CCDC171: variants seen among roughly 807,000 people sequenced by gnomAD.
The protein encoded by CCDC171 is coiled-coil domain-containing protein 171.
Under a neutral mutation model 168.2 loss-of-function variants are expected in CCDC171, and 177 were observed. That is an observed-to-expected ratio of 1.05 (90% CI 0.93 to 1.19). The LOEUF (loss-of-function observed/expected upper bound fraction) is 1.19. Among genes scored for constraint, CCDC171 ranks in the 50% most tolerant of loss-of-function variants. The pLI is 0.00. For synonymous variants in CCDC171, 687 were observed against 540.8 expected, an observed-to-expected ratio of 1.27 and a Z score of -3.75; for missense variants, 1,991 against 1,539.0, an observed-to-expected ratio of 1.29 and a Z score of -4.91.
At chr9:15,915,359 C>A (rs1296118779) in intron 24 of CCDC171, among the ~76,000 whole-genome samples, 2 of 74,510 alleles carry the variant, frequency 2.7e-5, no homozygotes, top group African/African-American at 6.5e-5. Flanking sequence ...AAATATATTC[C>A]TAGTGTTTTT....
At chr9:15,767,659 A>G (rs1344092898) in intron 18 of CCDC171, among the ~76,000 whole-genome samples, 1 of 151,500 alleles carries the variant, frequency 6.6e-6, no homozygotes, top group African/African-American at 2.4e-5. Flanking sequence ...ACAGTTAAAG[A>G]CCACTGTCCT....
At chr9:15,564,484 T>C (rs191714600) in intron 2 of CCDC171, among the ~76,000 whole-genome samples, 7 of 152,392 alleles carry the variant, frequency 4.6e-5, no homozygotes, top group Admixed American at 2.0e-4. Context: ...TTAATTCCTC[T>C]TTCTTCATTG....
intron 23 of CCDC171, among the ~76,000 whole-genome samples, chr9:15,857,317 A>G (rs1274483680): frequency 6.6e-6 from 1 of 151,926 alleles, no homozygotes; most frequent in Non-Finnish European, 1.5e-5. Context: ...TAATGTCATG[A>G]AGTTTCTCCT....
intron 25 of CCDC171, among the ~76,000 whole-genome samples, chr9:15,927,278 T>A (rs1271613737): frequency 2.6e-5 from 4 of 151,634 alleles, no homozygotes; most frequent in Admixed American, 2.6e-4. Context: ...CTCCAGAGCT[T>A]TTATCTTGAG....
At chr9:15,769,718 G>A (rs767941566) in intron 18 of CCDC171, among the ~76,000 whole-genome samples, 12 of 152,250 alleles carry the variant, frequency 7.9e-5, no homozygotes, top group Admixed American at 1.3e-4. Context: ...CAGTGCAGCC[G>A]GCCAAGTGAA....
chr9:15,642,541 C>T (rs1021306250), intron 7 of CCDC171, among the ~76,000 whole-genome samples: 1 of 151,194 alleles, frequency 6.6e-6, no homozygotes, highest in Non-Finnish European at 1.5e-5. Context: ...CCTCTAGCAC[C>T]CTCTGCTGGA....
At chr9:16,086,466 C>A in the CCDC171 span, among the ~76,000 whole-genome samples, 4 of 151,968 alleles carry the variant, frequency 2.6e-5, no homozygotes, top group Non-Finnish European at 4.4e-5. Context: ...CACCACCACA[C>A]CTGGCTAATT....
rs1237515375 is a variant in CCDC171 at position 16,025,385 on chromosome 9, T to G, written n.998+2477T>G. 3.9e-5 allele frequency among the ~76,000 whole-genome samples: 6 copies of G among 152,062 alleles called. No homozygotes were observed. In the East Asian group the frequency reaches 1.2e-3, roughly 29 times the overall value. ...TGAAACCAGTAGGGATCCCAGGAGG[T>G]AGAGCTTGCAGTGAGCTGAGATTGC... On this transcript the variant is annotated intron_variant and non_coding_transcript_variant, in intron 6 of 9. Transcript: ENST00000486641.
chr9:15,583,747 G>A (rs2041328258), intron 4 of CCDC171, among the ~76,000 whole-genome samples: 2 of 151,726 alleles, frequency 1.3e-5, no homozygotes, highest in African/African-American at 4.8e-5. Context: ...GCCTGCAACC[G>A]AACACCATCT....
At chr9:16,066,136 A>G (rs1172874842), downstream of CCDC171, among the ~76,000 whole-genome samples, 5 of 152,176 alleles carry the variant, frequency 3.3e-5, no homozygotes, top group Admixed American at 6.5e-5. Flanking sequence ...TACTTCCTTG[A>G]TGACAAGATT....
chr9:15,976,693 T>G (rs914860910), downstream of CCDC171, among the ~76,000 whole-genome samples: 2 of 151,502 alleles, frequency 1.3e-5, no homozygotes, highest in Non-Finnish European at 1.5e-5. Flanking sequence ...TAAATATATT[T>G]AAAAGAAAAT....
chr9:15,710,297 G>C (rs554938433), intron 11 of CCDC171, among the ~76,000 whole-genome samples: 1 of 149,860 alleles, frequency 6.7e-6, no homozygotes, highest in Non-Finnish European at 1.5e-5. Context: ...CTCCTCTTCT[G>C]TCTCTCTCTC....
intron 4 of CCDC171, among the ~76,000 whole-genome samples, chr9:15,589,470 C>G (rs1344983916): frequency 6.6e-6 from 1 of 152,214 alleles, no homozygotes; most frequent in Non-Finnish European, 1.5e-5. Flanking sequence ...AAGTCAGAGT[C>G]TGCTTGTGAA....
chr9:15,968,650 G>C (rs556927791), intron 25 of CCDC171, among the ~76,000 whole-genome samples: 1 of 149,242 alleles, frequency 6.7e-6, no homozygotes, highest in Non-Finnish European at 1.5e-5. Flanking sequence ...GGATTCAAGC[G>C]ATTCCCCTGC....
At chr9:15,945,438 C>G (rs199761808) in intron 25 of CCDC171, among the ~76,000 whole-genome samples, 1,969 of 136,244 alleles carry the variant, frequency 0.014, 2 homozygotes, top group East Asian at 0.028. Context: ...AGTTCTAGAT[C>G]CCTGAGGAAT....
intron 24 of CCDC171, among the ~76,000 whole-genome samples, chr9:15,906,774 C>G (rs1412490717): frequency 6.6e-6 from 1 of 152,036 alleles, no homozygotes; most frequent in Admixed American, 6.6e-5. Flanking sequence ...CTAGAAAACC[C>G]CATCGTCTCA....
chr9:15,599,404 A>C (rs915339640), intron 6 of CCDC171, among the ~76,000 whole-genome samples: 1 of 152,042 alleles, frequency 6.6e-6, no homozygotes, highest in African/African-American at 2.4e-5. Flanking sequence ...TCCTTCACTT[A>C]TGAAGCTTAG....
intron 18 of CCDC171, among the ~76,000 whole-genome samples, chr9:15,766,889 C>T (rs1490912215): frequency 3.9e-5 from 6 of 152,028 alleles, no homozygotes; most frequent in Non-Finnish European, 8.8e-5. Flanking sequence ...CTCAAACTCC[C>T]GGCCTCAAGC....
At chr9:15,602,195 A>G (rs2042907590) in intron 6 of CCDC171, among the ~76,000 whole-genome samples, 1 of 151,920 alleles carries the variant, frequency 6.6e-6, no homozygotes, top group African/African-American at 2.4e-5. Flanking sequence ...CCTTTTATAC[A>G]TCAATCTTAA....
Sources: gnomAD v4.1 joint callset for allele counts (sites outside exome capture counted in the v4.1 genomes callset) on GRCh38, gnomAD v4.1.1 for gene constraint, MANE v1.5 for transcripts, NCBI Gene and HGNC (gene_info 2026-07-23, HGNC 2026-07-21) for gene names.